Variants in ADAMTSL1 observed in about 807,000 individuals in gnomAD.
The protein encoded by ADAMTSL1 is ADAMTS-like protein 1.
In ADAMTSL1, 126 loss-of-function variants were observed where a neutral mutation model predicts 201.8. That is an observed-to-expected ratio of 0.62 (90% CI 0.54 to 0.72). The LOEUF (loss-of-function observed/expected upper bound fraction) is 0.72. ADAMTSL1 is among the 30% of genes least tolerant of loss of function. ADAMTSL1 has a pLI of 0.00. For missense variants in ADAMTSL1, 2,679 were observed against 2,277.8 expected, an observed-to-expected ratio of 1.18 and a Z score of -3.59; for synonymous variants, 1,121 against 903.4, an observed-to-expected ratio of 1.24 and a Z score of -4.32.
intron 1 of ADAMTSL1, among the ~76,000 whole-genome samples, chr9:18,157,255 A>G (rs1827196357): frequency 6.6e-6 from 1 of 152,072 alleles, no homozygotes; most frequent in Non-Finnish European, 1.5e-5. Flanking sequence ...CTCTGTGAGA[A>G]TAAGCTTCTT....
At chr9:18,640,396 G>A (rs908170394) in intron 7 of ADAMTSL1, among the ~76,000 whole-genome samples, 2 of 152,082 alleles carry the variant, frequency 1.3e-5, no homozygotes, top group African/African-American at 4.8e-5. Flanking sequence ...TTTATTCTTT[G>A]AAGCCCTTGG....
intron 1 of ADAMTSL1, among the ~76,000 whole-genome samples, chr9:18,121,996 A>G (rs1344390647): frequency 6.6e-6 from 1 of 152,174 alleles, no homozygotes; most frequent in Non-Finnish European, 1.5e-5. Flanking sequence ...GCCATATATC[A>G]GATTATTCTA....
At chr9:18,247,868 G>T (rs571868165) in intron 2 of ADAMTSL1, among the ~76,000 whole-genome samples, 102 of 151,678 alleles carry the variant, frequency 6.7e-4, no homozygotes, top group Middle Eastern at 3.4e-3. Flanking sequence ...TTGCATGCCT[G>T]GTATATATAT....
chr9:18,074,143 C>T (rs1823090202), intron 1 of ADAMTSL1, among the ~76,000 whole-genome samples: 1 of 152,140 alleles, frequency 6.6e-6, no homozygotes, highest in South Asian at 2.1e-4. Context: ...CCCCTGTGTT[C>T]TGGTGCAGGT....
intron 1 of ADAMTSL1, among the ~76,000 whole-genome samples, chr9:18,077,629 T>C (rs879393368): frequency 1.3e-5 from 2 of 151,926 alleles, no homozygotes; most frequent in Non-Finnish European, 2.9e-5. Flanking sequence ...GAGAAGTAAA[T>C]GGGAGCTGAA....
At chr9:18,076,269 G>C (rs992514374) in intron 1 of ADAMTSL1, among the ~76,000 whole-genome samples, 1 of 152,190 alleles carries the variant, frequency 6.6e-6, no homozygotes, top group African/African-American at 2.4e-5. Context: ...CATTACCATG[G>C]TGCTGTGCTA....
chr9:18,440,471 A>C (rs1819948291), intron 2 of ADAMTSL1, among the ~76,000 whole-genome samples: 1 of 151,634 alleles, frequency 6.6e-6, no homozygotes, highest in Non-Finnish European at 1.5e-5. Flanking sequence ...AGCACAAGAC[A>C]CTGCAATCAG....
At chr9:18,788,113 GT>G (rs983830253) in intron 19 of ADAMTSL1, among the ~76,000 whole-genome samples, 1 of 151,996 alleles carries the variant, frequency 6.6e-6, no homozygotes, top group Non-Finnish European at 1.5e-5. Context: ...AACAGCAAAG[GT>G]TAAAAAAAGT....
intron 1 of ADAMTSL1, among the ~76,000 whole-genome samples, chr9:18,123,621 C>A (rs1284509254): frequency 6.6e-6 from 1 of 152,100 alleles, no homozygotes; most frequent in African/African-American, 2.4e-5. Flanking sequence ...GTATAATTTA[C>A]ATATCATAAG....
chr9:18,168,070 C>A (rs1471530006), intron 2 of ADAMTSL1, among the ~76,000 whole-genome samples: 1 of 151,748 alleles, frequency 6.6e-6, no homozygotes, highest in Non-Finnish European at 1.5e-5. Context: ...TTGCCTGTAA[C>A]TTCATAAAGC....
intron 20 of ADAMTSL1, among the ~76,000 whole-genome samples, chr9:18,815,553 A>T (rs1823784074): frequency 6.6e-6 from 1 of 151,282 alleles, no homozygotes; most frequent in Non-Finnish European, 1.5e-5. Flanking sequence ...ACAAAAAAAA[A>T]AAATTCTATC....
chr9:18,688,015 T>C (rs1177443025), intron 13 of ADAMTSL1, among the ~76,000 whole-genome samples: 1 of 152,076 alleles, frequency 6.6e-6, no homozygotes, highest in Non-Finnish European at 1.5e-5. Context: ...TACTTCTACA[T>C]GTTGATTTTT....
chr9:18,684,937 A>C lies in ADAMTSL1; in HGVS notation c.1574+137A>C, dbSNP rs1001924608. ...CCAAAGCTTTTTGGCTCTCAAATTAAAGATTGATTAGTTTCAAAAAGTGTT... is the reference window on the plus strand; with the variant it reads ...CCAAAGCTTTTTGGCTCTCAAATTACAGATTGATTAGTTTCAAAAAGTGTT... On this transcript the variant is annotated intron_variant, in intron 13 of 28. Transcript: ENST00000380548. 21 of 1,404,578 alleles carry C rather than the reference A, an allele frequency of 1.5e-5. No homozygotes were observed. The Admixed American group carries it at 5.7e-4, about 38-fold the overall frequency. The allele number at this position is 1,404,578 out of a possible 1,614,324, so 87.0% of individuals were successfully genotyped here.
chr9:18,058,980 A>G (rs566029723), intron 1 of ADAMTSL1, among the ~76,000 whole-genome samples: 3 of 152,324 alleles, frequency 2.0e-5, no homozygotes, highest in African/African-American at 4.8e-5. Context: ...ATTTTTACCA[A>G]TCAGAAAAGC....
rs375631941 is a variant in ADAMTSL1, at chr9:17,996,642, C to T, written c.87+89720C>T. Among the ~76,000 whole-genome samples the T allele has an allele frequency of 3.3e-5, 5 of 152,064 alleles. No homozygotes were observed. In the East Asian group the frequency reaches 7.8e-4, roughly 24 times the overall value. ...TTGAATCCCAAAGTGCTCTCAGCTG[C>T]TGTTAGTTGCCAACCCTTTTTGAAC... On this transcript the variant is annotated intron_variant, in intron 1 of 29. Transcript: ENST00000680146.
At position 18,609,958 on chromosome 9, in the gene ADAMTSL1, A is replaced by G. The variant is rs542856283; in HGVS notation, c.475-12285A>G. Among the ~76,000 whole-genome samples, 14 of 152,350 alleles carry G rather than the reference A, an allele frequency of 9.2e-5. No homozygotes were observed. The East Asian group carries it at 2.5e-3, about 27-fold the overall frequency. ...GTACTGAGAGTGATATATTCAAGCC[A>G]TCACATCCAGGTTGAGTTGTTGGTT... On this transcript the variant is annotated intron_variant, in intron 4 of 28. Transcript: ENST00000380548.
intron 26 of ADAMTSL1, among the ~76,000 whole-genome samples, chr9:18,893,015 A>C (rs533731868): frequency 1.5e-4 from 22 of 151,584 alleles, no homozygotes; most frequent in African/African-American, 5.3e-4. Flanking sequence ...CTCGTAAGCC[A>C]TTTGTGTCCC....
intron 23 of ADAMTSL1, among the ~76,000 whole-genome samples, chr9:18,855,275 T>A (rs1372023511): frequency 1.3e-5 from 2 of 152,074 alleles, no homozygotes. Flanking sequence ...GGACTTGGGG[T>A]TTTTGTGTAA....
intron 2 of ADAMTSL1, among the ~76,000 whole-genome samples, chr9:18,312,480 T>C (rs781026432): frequency 2.0e-5 from 3 of 152,312 alleles, no homozygotes; most frequent in Non-Finnish European, 2.9e-5. Context: ...CCTTATGCAC[T>C]GGCCTTGGCC....
Sources: allele counts gnomAD v4.1 joint callset (sites outside exome capture counted in the v4.1 genomes callset), GRCh38; gene constraint gnomAD v4.1.1; transcripts MANE v1.5; gene names NCBI Gene and HGNC (gene_info 2026-07-23, HGNC 2026-07-21).